KLF12: variants seen among roughly 807,000 people sequenced by gnomAD.
KLF12 encodes KLF transcription factor 12, also known as Krueppel-like factor 12.
KLF12 carries 9 observed loss-of-function variants against 37.8 expected under a neutral mutation model. The observed-to-expected ratio is 0.24, with a 90% CI of 0.14 to 0.42. The LOEUF is 0.42. KLF12 is among the 10% of genes least tolerant of loss of function. The probability of loss-of-function intolerance (pLI) is 1.00; values close to 1 mark genes in which losing one functional copy is unlikely to be tolerated. For missense variants in KLF12, 411 were observed against 516.0 expected, an observed-to-expected ratio of 0.80 and a Z score of 1.97; for synonymous variants, 208 against 202.1, an observed-to-expected ratio of 1.03 and a Z score of -0.25.
chr13:73,944,093 A>T (rs1008273687), intron 2 of KLF12, 23 bp from the exon 3 acceptor site: 2 of 1,454,460 alleles, frequency 1.4e-6, no homozygotes, highest in Non-Finnish European at 1.9e-6. Flanking sequence ...GGGAGAGAGA[A>T]AGATTCAGCT....
intron 7 of KLF12, 68 bp downstream of exon 7, chr13:73,715,300 C>T (rs1405916354): frequency 1.2e-5 from 17 of 1,432,666 alleles, no homozygotes; most frequent in Admixed American, 5.9e-5. Context: ...GAAAGGCTCC[C>T]GAGGTAAGTG....
At chr13:73,980,105 G>C (rs764426493) in intron 2 of KLF12, among the ~76,000 whole-genome samples, 5 of 152,190 alleles carry the variant, frequency 3.3e-5, no homozygotes, top group Non-Finnish European at 7.3e-5. Flanking sequence ...CTGTGGTACT[G>C]TGTTATGCAG....
the KLF12 span, among the ~76,000 whole-genome samples, chr13:74,183,429 A>G: frequency 6.6e-6 from 1 of 152,102 alleles, no homozygotes; most frequent in Admixed American, 6.5e-5. Flanking sequence ...TCCAAATGCT[A>G]CCATCTTCAT....
At chr13:73,970,456 A>T (rs1891298798) in intron 2 of KLF12, among the ~76,000 whole-genome samples, 1 of 152,148 alleles carries the variant, frequency 6.6e-6, no homozygotes, top group Non-Finnish European at 1.5e-5. Context: ...TAGCTGAGAA[A>T]ACTGCTCTAA....
intron 3 of KLF12, among the ~76,000 whole-genome samples, chr13:73,888,991 C>G: frequency 6.6e-6 from 1 of 152,196 alleles, no homozygotes; most frequent in South Asian, 2.1e-4. Flanking sequence ...AGTAACCACA[C>G]TGATTTTGTA....
At chr13:74,030,279 A>G (rs1035503122) in intron 1 of KLF12, among the ~76,000 whole-genome samples, 2 of 152,032 alleles carry the variant, frequency 1.3e-5, no homozygotes, top group African/African-American at 4.8e-5. Context: ...TAGAGAGACT[A>G]CCTCTTTCGG....
chr13:74,237,551 A>G, the KLF12 span, among the ~76,000 whole-genome samples: 1 of 148,280 alleles, frequency 6.7e-6, no homozygotes, highest in East Asian at 1.9e-4. Flanking sequence ...CATTTTCATG[A>G]TATTGATTCT....
chr13:73,802,071 A>C (rs74098406), intron 5 of KLF12: 1 of 152,170 alleles, frequency 6.6e-6, no homozygotes, highest in East Asian at 1.9e-4. Flanking sequence ...TACCTATATC[A>C]GAAGACATTC....
At chr13:73,829,696 T>C (rs570672592) in intron 4 of KLF12, among the ~76,000 whole-genome samples, 2 of 73,086 alleles carry the variant, frequency 2.7e-5, no homozygotes, top group African/African-American at 7.7e-5. Flanking sequence ...GCCTGAACAA[T>C]AACAACTGAC....
At chr13:74,094,727 G>T (rs1875880963) in intron 1 of KLF12, among the ~76,000 whole-genome samples, 1 of 151,864 alleles carries the variant, frequency 6.6e-6, no homozygotes, top group Non-Finnish European at 1.5e-5. Context: ...AACCTCCCAG[G>T]TAGCTAGAAC....
At chr13:73,979,101 T>C (rs1351522869) in intron 2 of KLF12, among the ~76,000 whole-genome samples, 1 of 152,218 alleles carries the variant, frequency 6.6e-6, no homozygotes, top group Non-Finnish European at 1.5e-5. Flanking sequence ...TGTACCATTG[T>C]ACATTTGTTA....
chr13:74,175,506 C>A, the KLF12 span, among the ~76,000 whole-genome samples: 5,080 of 152,224 alleles, frequency 0.033, 258 homozygotes, highest in African/African-American at 0.11. Flanking sequence ...GCTTTTCATG[C>A]CTTTGAAAAG....
intron 3 of KLF12, among the ~76,000 whole-genome samples, chr13:73,879,693 C>A (rs1886887187): frequency 6.6e-6 from 1 of 152,156 alleles, no homozygotes. Context: ...AGTAGAGGGC[C>A]TTGGTGCCAA....
At chr13:73,958,751 G>T (rs1890927258) in intron 2 of KLF12, among the ~76,000 whole-genome samples, 1 of 152,068 alleles carries the variant, frequency 6.6e-6, no homozygotes, top group South Asian at 2.1e-4. Context: ...TCTGGAAATT[G>T]AAAGGTGGCG....
At chr13:74,118,080 T>C (rs1317841853) in intron 1 of KLF12, among the ~76,000 whole-genome samples, 4 of 152,196 alleles carry the variant, frequency 2.6e-5, no homozygotes, top group African/African-American at 9.7e-5. Flanking sequence ...TTAGTTTTTG[T>C]ATGTGTGTGT....
At chr13:74,239,584 T>C in the KLF12 span, among the ~76,000 whole-genome samples, 4 of 110,040 alleles carry the variant, frequency 3.6e-5, no homozygotes, top group African/African-American at 1.7e-4. Context: ...CTAAGTCTCT[T>C]TGTAGGTCAC....
chr13:74,116,782 CTAT>C (rs1300095128), intron 1 of KLF12, among the ~76,000 whole-genome samples: 3 of 152,136 alleles, frequency 2.0e-5, no homozygotes, highest in Non-Finnish European at 2.9e-5. Context: ...GACCAATTAA[CTAT>C]TAATATAGTA....
chr13:73,980,529 TC>T (rs1444038547), intron 2 of KLF12, among the ~76,000 whole-genome samples: 2 of 152,126 alleles, frequency 1.3e-5, no homozygotes, highest in African/African-American at 4.8e-5. Context: ...ATTTATAAAT[TC>T]AACAAAACTA....
chr13:73,939,104 G>T (rs1890077921), intron 3 of KLF12, among the ~76,000 whole-genome samples: 1 of 152,150 alleles, frequency 6.6e-6, no homozygotes, highest in East Asian at 1.9e-4. Context: ...TTCTACAGGA[G>T]AGAAGAGAGG....
Sources: allele counts gnomAD v4.1 joint callset (sites outside exome capture counted in the v4.1 genomes callset), GRCh38; gene constraint gnomAD v4.1.1; transcripts MANE v1.5; gene names NCBI Gene and HGNC (gene_info 2026-07-23, HGNC 2026-07-21).